The following DZIP3 variants were observed in gnomAD, a reference collection of about 807,000 sequenced individuals.
DZIP3 encodes the protein E3 ubiquitin-protein ligase DZIP3.
Under a neutral mutation model 162.0 loss-of-function variants are expected in DZIP3, and 118 were observed. That is an observed-to-expected ratio of 0.73 (90% confidence interval 0.63 to 0.85). The LOEUF is 0.85. DZIP3 is among the 40% of genes least tolerant of loss of function. The pLI is 0.00. For synonymous variants in DZIP3, 438 were observed against 458.6 expected, an observed-to-expected ratio of 0.96 and a Z score of 0.57; for missense variants, 1,331 against 1,407.0, an observed-to-expected ratio of 0.95 and a Z score of 0.86.
At chr3:108,690,701 T>G (rs1010295965) in intron 31 of DZIP3, 86 bp from the exon 32 acceptor site, 1 of 1,188,128 alleles carries the variant, frequency 8.4e-7, no homozygotes, top group Non-Finnish European at 1.2e-6. Flanking sequence ...AGAAGACATG[T>G]TGGTTGGTAA....
At chr3:108,620,729 AGAAGT>A (rs1941288504) in intron 5 of DZIP3, among the ~76,000 whole-genome samples, 1 of 152,236 alleles carries the variant, frequency 6.6e-6, no homozygotes, top group Non-Finnish European at 1.5e-5. Context: ...TTTTCATTGA[AGAAGT>A]GATGAGCTTT....
rs1448569035 is a variant in DZIP3, at chr3:108,694,738, T to C, written c.*1385T>C. On this transcript the variant is annotated 3_prime_UTR_variant, in exon 33 of 33. Coordinates refer to ENST00000361582, the MANE Select transcript of DZIP3 (RefSeq NM_014648.4). ...CAAACCATATCACACCTTAAGGTCATGGTCATATAGCTAGTTATCTTGTAA... is the reference window on the plus strand; with the variant it reads ...CAAACCATATCACACCTTAAGGTCACGGTCATATAGCTAGTTATCTTGTAA... 1 of 152,198 alleles carries C rather than the reference T, an allele frequency of 6.6e-6. No homozygotes were observed. Among genetic ancestry groups the C allele is most frequent in the African/African-American group, 2.4e-5 (1 of 41,450 alleles). 9.4% of individuals were successfully genotyped at this position (152,198 alleles called of 1,614,324 possible).
intron 1 of DZIP3, among the ~76,000 whole-genome samples, chr3:108,603,900 C>G (rs1234311959): frequency 6.6e-6 from 1 of 152,104 alleles, no homozygotes; most frequent in Non-Finnish European, 1.5e-5. Flanking sequence ...TCTAAGCTTA[C>G]TGAAAAGATA....
In DZIP3 at chr3:108,653,507, G is replaced by GTGTATATATATA. The variant is rs1273159630; in HGVS notation, c.2034-637_2034-636insGTATATATATAT. Reference sequence around the variant, plus strand: ...TGGTTAATTGCCATTGTGTGTGTGTGTATATATATATATATATATATATAT... The same window carrying GTGTATATATATA: ...TGGTTAATTGCCATTGTGTGTGTGTGTGTATATATATATATATATATATATATATATATATAT... On this transcript the variant is annotated intron_variant, in intron 18 of 32. Transcript: ENST00000361582. Among the ~76,000 whole-genome samples the GTGTATATATATA allele has an allele frequency of 4.5e-3, 470 of 104,326 alleles. 1 individual carries two copies. The highest frequency in any genetic ancestry group is 6.9e-3 in the Non-Finnish European group (343 of 49,556). The allele number at this position is 104,326 out of a possible 152,430, so 68.4% of individuals were successfully genotyped here. A position where few individuals can be genotyped will look rare whatever the true frequency, so the allele number is the denominator to read the frequency against.
intron 6 of DZIP3, 53 bp downstream of exon 6, chr3:108,624,577 C>A: frequency 4.0e-6 from 4 of 1,001,402 alleles, no homozygotes; most frequent in Non-Finnish European, 5.9e-6. Context: ...TTGGAATAAT[C>A]AGGCCAAAGA....
At chr3:108,627,063 G>C (rs9288880) in intron 7 of DZIP3, among the ~76,000 whole-genome samples, 4 of 152,072 alleles carry the variant, frequency 2.6e-5, no homozygotes, top group Admixed American at 2.6e-4. Flanking sequence ...TTGTTCACTG[G>C]GTCTGAGCAG....
At chr3:108,661,649 G>A (rs547987273) in intron 19 of DZIP3, among the ~76,000 whole-genome samples, 1 of 151,736 alleles carries the variant, frequency 6.6e-6, no homozygotes, top group South Asian at 2.1e-4. Flanking sequence ...TAAAAAAAAA[G>A]AAATGGTAAG....
intron 28 of DZIP3, 126 bp downstream of exon 28, chr3:108,686,710 C>CAAGG: frequency 1.7e-6 from 2 of 1,171,278 alleles, no homozygotes; most frequent in Non-Finnish European, 2.3e-6. Flanking sequence ...GTTTCCTTAC[C>CAAGG]TTGACCTTGG....
chr3:108,651,054 CACTG>C (rs1942839547), intron 17 of DZIP3, 79 bp from the exon 18 acceptor site: 1 of 501,044 alleles, frequency 2.0e-6, no homozygotes, highest in African/African-American at 2.1e-5. Flanking sequence ...TTTTGAGAAA[CACTG>C]ACCTAAATGT....
chr3:108,674,544 C>T (rs78608241), intron 24 of DZIP3, among the ~76,000 whole-genome samples: 2,891 of 151,948 alleles, frequency 0.019, 99 homozygotes, highest in African/African-American at 0.067. Context: ...GTCTCAGAGA[C>T]ATACGTGAAC....
In DZIP3 at chr3:108,675,767, G is replaced by A. The variant is rs757521529; in HGVS notation, c.2694-19G>A. The A allele has an allele frequency of 1.9e-6, 3 of 1,584,350 alleles. No individual in the cohort carries two copies. The highest frequency in any genetic ancestry group is 2.3e-5 in the East Asian group (1 of 44,298). On this transcript the variant is annotated intron_variant, in intron 24 of 32. Coordinates refer to ENST00000361582, the MANE Select transcript of DZIP3 (RefSeq NM_014648.4). ...ATAAAAAGAAAGAGTTTTCTTTTGT[G>A]TCTCCTTTTCTACAACAGCAACCTA...
intron 13 of DZIP3, among the ~76,000 whole-genome samples, chr3:108,643,599 A>C (rs1576406188): frequency 6.6e-6 from 1 of 150,460 alleles, no homozygotes; most frequent in Non-Finnish European, 1.5e-5. Context: ...TATAGATCTG[A>C]GCTATCTAGT....
chr3:108,679,820 G>A (rs1373548146), intron 26 of DZIP3, among the ~76,000 whole-genome samples: 1 of 152,078 alleles, frequency 6.6e-6, no homozygotes, highest in Non-Finnish European at 1.5e-5. Flanking sequence ...AGTGTTCTAA[G>A]GAGTGGTCAC....
At chr3:108,609,910 G>T (rs1436199162) in intron 3 of DZIP3, among the ~76,000 whole-genome samples, 1 of 152,100 alleles carries the variant, frequency 6.6e-6, no homozygotes, top group Admixed American at 6.5e-5. Context: ...GTATAAATTT[G>T]TTAATTAGTA....
At chr3:108,591,978 C>CAA (rs34569028) in intron 1 of DZIP3, among the ~76,000 whole-genome samples, 3 of 110,378 alleles carry the variant, frequency 2.7e-5, no homozygotes, top group Non-Finnish European at 5.9e-5. Flanking sequence ...GAGACCCTGT[C>CAA]AAAAAAAAAA....
chr3:108,612,073 C>A (rs1239861269), intron 4 of DZIP3, among the ~76,000 whole-genome samples: 4 of 151,854 alleles, frequency 2.6e-5, no homozygotes, highest in Non-Finnish European at 5.9e-5. Flanking sequence ...TTGTAGATTT[C>A]CATCTTGAAA....
At chr3:108,683,963 GAA>G (rs1406981715) in intron 26 of DZIP3, among the ~76,000 whole-genome samples, 8 of 152,286 alleles carry the variant, frequency 5.3e-5, no homozygotes, top group Admixed American at 5.2e-4. Flanking sequence ...TACGTAGAGA[GAA>G]ATGTGACTAG....
chr3:108,595,418 A>G (rs752785646), intron 1 of DZIP3, among the ~76,000 whole-genome samples: 1 of 152,004 alleles, frequency 6.6e-6, no homozygotes, highest in African/African-American at 2.4e-5. Context: ...GGGTCTTGCT[A>G]TGTTGCCTAG....
At chr3:108,611,616 C>T (rs946397976) in intron 4 of DZIP3, among the ~76,000 whole-genome samples, 1 of 152,098 alleles carries the variant, frequency 6.6e-6, no homozygotes, top group East Asian at 1.9e-4. Flanking sequence ...TGCTAATAAC[C>T]TGTAACATGC....
Sources: allele counts gnomAD v4.1 joint callset (sites outside exome capture counted in the v4.1 genomes callset), GRCh38; gene constraint gnomAD v4.1.1; transcripts MANE v1.5; gene names NCBI Gene and HGNC (gene_info 2026-07-23, HGNC 2026-07-21).